The following WIPI2 variants were observed in gnomAD, a reference collection of about 807,000 sequenced individuals.
WIPI2 encodes the protein WD repeat domain, phosphoinositide interacting 2.
Under a neutral mutation model 52.3 loss-of-function variants are expected in WIPI2, and 28 were observed. The ratio of observed to expected loss-of-function variants is 0.54; its 90% CI spans 0.40 to 0.73. WIPI2 has a LOEUF of 0.73. WIPI2 is among the 30% of genes least tolerant of loss of function. The pLI, the probability that WIPI2 is intolerant of heterozygous loss-of-function variation, is 0.00. For missense variants in WIPI2, 506 were observed against 602.9 expected (o/e 0.84, Z 1.68); for synonymous variants, 268 against 245.0 (o/e 1.09, Z -0.88).
Position 5,232,518 on chromosome 7 carries a change from G to C in WIPI2, c.*1571G>C. On this transcript the variant is annotated 3_prime_UTR_variant, in exon 13 of 13. Transcript: ENST00000288828. Reference sequence around the variant, plus strand: ...CTTTTCCTTCAAAACCTGCTTGTCTGTCCTGGACCTTTGATGAAATGGGAT... The same window carrying C: ...CTTTTCCTTCAAAACCTGCTTGTCTCTCCTGGACCTTTGATGAAATGGGAT... 1 of 393,732 alleles carries C rather than the reference G, an allele frequency of 2.5e-6. No individual in the cohort carries two copies. Among genetic ancestry groups the C allele is most frequent in the Admixed American group, 4.4e-5 (1 of 22,574 alleles). 24.4% of individuals were successfully genotyped at this position (393,732 alleles called of 1,614,324 possible). A position where few individuals can be genotyped will look rare whatever the true frequency, so the allele number is the denominator to read the frequency against.
At chr7:5,205,299 G>A (rs529206887) in intron 3 of WIPI2, among the ~76,000 whole-genome samples, 3 of 152,206 alleles carry the variant, frequency 2.0e-5, no homozygotes, top group South Asian at 4.2e-4. Flanking sequence ...CTTAAGTAAT[G>A]ACAAAAATAT....
chr7:5,217,883 C>T (rs1415475124), intron 6 of WIPI2, 39 bp from the exon 7 acceptor site: 4 of 1,608,380 alleles, frequency 2.5e-6, no homozygotes, highest in African/African-American at 1.3e-5. Flanking sequence ...TGGGCGGTCA[C>T]TGTGCGGTGG....
chr7:5,215,689 G>T (rs4433032), intron 4 of WIPI2, among the ~76,000 whole-genome samples: 2 of 152,260 alleles, frequency 1.3e-5, no homozygotes, highest in Non-Finnish European at 2.9e-5. Flanking sequence ...AAACTAGGAA[G>T]TGGTCTGTTA....
At position 5,219,596 on chromosome 7, in the gene WIPI2, G is replaced by C. The variant is rs1782992322; in HGVS notation, c.669+1582G>C. Reference sequence around the variant, plus strand: ...CCCCTGAGGCCTGTGACTTAATCCTGCTTTCAAGAATCTTGCGGTCATGTG... The same window carrying C: ...CCCCTGAGGCCTGTGACTTAATCCTCCTTTCAAGAATCTTGCGGTCATGTG... On this transcript the variant is annotated intron_variant, in intron 7 of 12. Transcript: ENST00000288828. Among the ~76,000 whole-genome samples, 6 of 152,278 alleles carry C rather than the reference G, an allele frequency of 3.9e-5. No homozygotes were observed. The South Asian group carries it at 1.2e-3, about 32-fold the overall frequency.
chr7:5,204,180 A>G (rs1782181841), intron 3 of WIPI2, among the ~76,000 whole-genome samples: 1 of 152,110 alleles, frequency 6.6e-6, no homozygotes, highest in South Asian at 2.1e-4. Context: ...TTGAAAGTTC[A>G]TCTGGGCCGG....
At chr7:5,221,901 C>T (rs892746378) in intron 7 of WIPI2, among the ~76,000 whole-genome samples, 4 of 151,934 alleles carry the variant, frequency 2.6e-5, no homozygotes, top group East Asian at 1.9e-4. Flanking sequence ...TCCGAAGCCT[C>T]GTCAGACCAC....
rs35062616 is a variant in WIPI2 at position 5,230,849 on chromosome 7, C to T, written c.1267C>T (p.Leu423=). ...TCTCTTTGCAGCCTACACAGACGAC[C>T]TGGGTGCTGTGGGTGGCGCCTGCCT... ...SPTRLAYTDD[L]GAVGGACLED... The change falls in exon 13 of 13, where the codon CTG becomes TTG. Residue 423 remains leucine, a synonymous_variant. Transcript: ENST00000288828. The surrounding 1 kb of genome is among the most constrained non-coding windows in gnomAD (Gnocchi z 4.8). 2.6e-3 allele frequency: 4,154 copies of T among 1,613,708 alleles called. 19 individuals are homozygous for T. Among genetic ancestry groups the T allele is most frequent in the Middle Eastern group, 0.02 (122 of 6,060 alleles).
At chr7:5,203,864 C>G (rs191668888) in intron 3 of WIPI2, among the ~76,000 whole-genome samples, 47 of 152,106 alleles carry the variant, frequency 3.1e-4, no homozygotes, top group African/African-American at 1.1e-3. Context: ...ACCTCATGAT[C>G]CACCCGCCTC....
chr7:5,195,063 G>C (rs1439259840), intron 2 of WIPI2, among the ~76,000 whole-genome samples: 1 of 152,144 alleles, frequency 6.6e-6, no homozygotes, highest in East Asian at 1.9e-4. Flanking sequence ...CTCTGGGGAG[G>C]GTAGAGCAGG....
intron 11 of WIPI2, 126 bp from the exon 12 acceptor site, chr7:5,229,482 A>G: frequency 8.4e-7 from 1 of 1,192,912 alleles, no homozygotes; most frequent in East Asian, 2.6e-5. Context: ...CCACGGCGTG[A>G]TGAATGCCTG....
chr7:5,203,424 G>A lies in WIPI2; in HGVS notation c.211+3766G>A, dbSNP rs367934943. ...TCCCTTCCCACTCCAGAGCTTCATC[G>A]TTGCCAACTATAAACCACGCCAGCA... On this transcript the variant is annotated intron_variant, in intron 3 of 12. Coordinates refer to ENST00000288828, the MANE Select transcript of WIPI2 (RefSeq NM_015610.4). Among the ~76,000 whole-genome samples, 137 of 152,156 alleles carry A rather than the reference G, an allele frequency of 9.0e-4. 4 individuals carry two copies. In the South Asian group the frequency reaches 0.028, roughly 31 times the overall value.
intron 3 of WIPI2, among the ~76,000 whole-genome samples, chr7:5,202,415 G>A (rs1445613912): frequency 2.0e-5 from 3 of 151,936 alleles, no homozygotes; most frequent in Non-Finnish European, 2.9e-5. Context: ...ACAGAGTCTC[G>A]CTCTGTCACC....
At chr7:5,197,113 AAAAAC>A (rs1408153383) in intron 2 of WIPI2, among the ~76,000 whole-genome samples, 10,665 of 23,792 alleles carry the variant, frequency 0.45, 1,857 homozygotes, top group Admixed American at 0.61. Context: ...CTCCGTCTCA[AAAAAC>A]AAAAAAAAAA....
intron 2 of WIPI2, among the ~76,000 whole-genome samples, chr7:5,197,148 C>CAAAAAAAAAAAAAAAAAAAA (rs1781795848): frequency 1.1e-5 from 1 of 95,132 alleles, no homozygotes; most frequent in African/African-American, 4.1e-5. Context: ...AAAAAAAAAC[C>CAAAAAAAAAAAAAAAAAAAA]ATAAAATAAA....
rs961707482 is a variant in WIPI2, at chr7:5,232,466, G to C, written c.*1519G>C. 1.8e-5 allele frequency: 7 copies of C among 397,408 alleles called. No individual in the cohort carries two copies. The highest frequency in any genetic ancestry group is 2.7e-5 in the Non-Finnish European group (6 of 225,882). 24.6% of individuals were successfully genotyped at this position (397,408 alleles called of 1,614,324 possible). ...TGCGGCACACACAACATCTGCATTA[G>C]GCAGAGGTGCAAGTGGGCTGATTGA... On this transcript the variant is annotated 3_prime_UTR_variant, in exon 13 of 13. Transcript: ENST00000288828.
At chr7:5,211,642 G>A (rs1782566425) in intron 3 of WIPI2, among the ~76,000 whole-genome samples, 1 of 152,146 alleles carries the variant, frequency 6.6e-6, no homozygotes, top group Non-Finnish European at 1.5e-5. Context: ...ACCACTGATT[G>A]GATTTAGGAG....
intron 7 of WIPI2, among the ~76,000 whole-genome samples, chr7:5,221,583 A>G (rs953191240): frequency 2.0e-5 from 3 of 152,182 alleles, no homozygotes; most frequent in African/African-American, 4.8e-5. Flanking sequence ...TAAAGCATTC[A>G]AAGTCCTGCT....
intron 3 of WIPI2, among the ~76,000 whole-genome samples, chr7:5,208,648 T>G (rs570488433): frequency 6.6e-6 from 1 of 152,326 alleles, no homozygotes; most frequent in African/African-American, 2.4e-5. Flanking sequence ...TCCTAATGGA[T>G]TCCTATTCCA....
intron 6 of WIPI2, chr7:5,217,571 A>C: frequency 2.5e-6 from 1 of 404,694 alleles, no homozygotes; most frequent in South Asian, 2.3e-5. Context: ...TGCTGGGACT[A>C]CAGGCGGGTG....
Sources: gnomAD v4.1 joint callset for allele counts (sites outside exome capture counted in the v4.1 genomes callset) on GRCh38, gnomAD v4.1.1 for gene constraint, Gnocchi (gnomAD v3.1) non-coding constraint, MANE v1.5 for transcripts, NCBI Gene and HGNC (gene_info 2026-07-23, HGNC 2026-07-21) for gene names.